The following POTEC variants were observed in gnomAD, a reference collection of about 807,000 sequenced individuals.
The protein encoded by POTEC is ANKRD26-like family B member 2.
POTEC carries 35 observed loss-of-function variants against 62.0 expected under a neutral mutation model. That is an observed-to-expected ratio of 0.56 (90% CI 0.43 to 0.75). The LOEUF (loss-of-function observed/expected upper bound fraction) is 0.75. Ranked by LOEUF, POTEC falls within the 30% of genes least tolerant of loss-of-function variation. POTEC has a pLI of 0.00. For missense variants in POTEC, 472 were observed against 655.9 expected (o/e 0.72, Z 3.06); for synonymous variants, 156 against 221.5 (o/e 0.70, Z 2.62).
chr18:14,537,218 A>AAAC (rs1567915558), intron 3 of POTEC, among the ~76,000 whole-genome samples: 2 of 107,256 alleles, frequency 1.9e-5, no homozygotes, highest in Non-Finnish European at 4.2e-5. Context: ...CACAAAAAAA[A>AAAC]AAAAAAACAA....
At chr18:14,535,349 T>C (rs1329802677) in intron 3 of POTEC, among the ~76,000 whole-genome samples, 2 of 150,920 alleles carry the variant, frequency 1.3e-5, no homozygotes, top group Non-Finnish European at 2.9e-5. Flanking sequence ...TTTATCTCTA[T>C]ATTATCCAAC....
In POTEC at chr18:14,543,188, T is replaced by C; in HGVS notation, c.-42A>G. Reference sequence around the variant, plus strand: ...GGGGAGGCCGGTAGTAGCGAACAGATCGCGTCTACCAACCAGTTTCACCAA... The same window carrying C: ...GGGGAGGCCGGTAGTAGCGAACAGACCGCGTCTACCAACCAGTTTCACCAA... On this transcript the variant is annotated 5_prime_UTR_variant, in exon 1 of 11. Coordinates refer to ENST00000358970, the MANE Select transcript of POTEC (RefSeq NM_001137671.2). 1 of 1,612,218 alleles carries C rather than the reference T, an allele frequency of 6.2e-7. No homozygotes were observed. The highest frequency in any genetic ancestry group is 8.5e-7 in the Non-Finnish European group (1 of 1,179,020).
chr18:14,512,821 T>C (rs1461833713), intron 10 of POTEC, among the ~76,000 whole-genome samples: 1 of 152,214 alleles, frequency 6.6e-6, no homozygotes, highest in Non-Finnish European at 1.5e-5. Context: ...TGCAGGATTT[T>C]TGCCAGGTCT....
intron 3 of POTEC, among the ~76,000 whole-genome samples, chr18:14,537,556 T>A (rs570095470): frequency 1.3e-5 from 2 of 152,266 alleles, no homozygotes; most frequent in South Asian, 4.2e-4. Context: ...AAGTATTACC[T>A]TTTACAAATT....
chr18:14,534,068 TC>T (rs1159717489), intron 4 of POTEC, among the ~76,000 whole-genome samples: 2 of 75,664 alleles, frequency 2.6e-5, no homozygotes, highest in African/African-American at 5.3e-5. Context: ...ATGCTATCCC[TC>T]CCCCCTCCCC....
intron 10 of POTEC, among the ~76,000 whole-genome samples, chr18:14,513,218 G>A (rs1022259561): frequency 2.5e-4 from 38 of 151,962 alleles, no homozygotes; most frequent in African/African-American, 9.2e-4. Context: ...TCCACAATGT[G>A]GCCTCTGACC....
intron 9 of POTEC, among the ~76,000 whole-genome samples, chr18:14,515,998 A>G (rs2143112802): frequency 1.3e-5 from 2 of 151,832 alleles, no homozygotes; most frequent in East Asian, 3.9e-4. Flanking sequence ...CAGAATGGTC[A>G]CTACTAAAAT....
At chr18:14,539,476 T>A (rs1481421142) in intron 1 of POTEC, among the ~76,000 whole-genome samples, 1 of 141,516 alleles carries the variant, frequency 7.1e-6, no homozygotes, top group Non-Finnish European at 1.5e-5. Flanking sequence ...TCCCTCTAGG[T>A]GTCTGTGTGT....
chr18:14,542,970 G>A lies in POTEC; in HGVS notation c.177C>T (p.Ser59=), dbSNP rs1444934454. 6.4e-7 allele frequency: 1 copy of A among 1,573,508 alleles called. No individual in the cohort carries two copies. The highest frequency in any genetic ancestry group is 1.4e-5 in the African/African-American group (1 of 73,362). The change falls in exon 1 of 11, where the codon AGC becomes AGT. Residue 59 remains serine, a synonymous_variant. Transcript: ENST00000358970. ...HDDSFMKMLR[S]KMGKCCHHCF... ...AGTGGTGGCAACACTTGCCCATCTT[G>A]CTCCTGAGCATCTTCATAAAGGAGT...
At chr18:14,533,497 T>A (rs1905599280) in intron 4 of POTEC, among the ~76,000 whole-genome samples, 1 of 152,124 alleles carries the variant, frequency 6.6e-6, no homozygotes. Context: ...TTATCTGAAG[T>A]GGACAAAGAT....
intron 6 of POTEC, chr18:14,527,872 G>C (rs924041519): frequency 6.6e-5 from 10 of 152,140 alleles, no homozygotes; most frequent in African/African-American, 1.7e-4. Context: ...AGAATACATT[G>C]ATACTAGTCC....
chr18:14,529,952 A>G (rs55941368), intron 6 of POTEC, among the ~76,000 whole-genome samples: 11,514 of 151,886 alleles, frequency 0.076, 492 homozygotes, highest in African/African-American at 0.093. Context: ...CAGGTCACAG[A>G]CTGGTACCAC....
Position 14,507,623 on chromosome 18 carries a change from C to T in POTEC, c.*4275G>A, listed in dbSNP as rs559428945. ...GTGTGGATTTGATCCTGTCATCATG[C>T]TGTCAGCTGGCTCTTTTGCAGACTT... On this transcript the variant is annotated 3_prime_UTR_variant, in exon 11 of 11. Coordinates refer to ENST00000358970, the MANE Select transcript of POTEC (RefSeq NM_001137671.2). 21 of 152,244 alleles carry T rather than the reference C, an allele frequency of 1.4e-4. No individual in the cohort carries two copies. In the South Asian group the frequency reaches 4.4e-3, roughly 32 times the overall value. 9.4% of individuals were successfully genotyped at this position (152,244 alleles called of 1,614,324 possible). A position where few individuals can be genotyped will look rare whatever the true frequency, so the allele number is the denominator to read the frequency against.
Position 14,507,754 on chromosome 18 carries a change from C to G in POTEC, c.*4144G>C, listed in dbSNP as rs914860345. ...CCATATTTAGTGCTTCCTTCAGGAG[C>G]TCTTGTAAGGTAGGTCTGGTGATAA... On this transcript the variant is annotated 3_prime_UTR_variant, in exon 11 of 11. Transcript: ENST00000358970. 6.6e-6 allele frequency: 1 copy of G among 152,178 alleles called. No individual in the cohort carries two copies. Among genetic ancestry groups the G allele is most frequent in the African/African-American group, 2.4e-5 (1 of 41,432 alleles). The allele number at this position is 152,178 out of a possible 1,614,324, so 9.4% of individuals were successfully genotyped here.
At chr18:14,527,246 TCTTA>T (rs1910459919) in intron 6 of POTEC, among the ~76,000 whole-genome samples, 1 of 152,170 alleles carries the variant, frequency 6.6e-6, no homozygotes, top group African/African-American at 2.4e-5. Flanking sequence ...ACACTCTTTC[TCTTA>T]CTTCTTTTTT....
In POTEC at chr18:14,523,445, T is replaced by G; in HGVS notation, c.1242+18A>C. 1 of 1,561,260 alleles carries G rather than the reference T, an allele frequency of 6.4e-7. No homozygotes were observed. Among genetic ancestry groups the G allele is most frequent in the South Asian group, 1.2e-5 (1 of 86,258 alleles). ...TAAAAATCTAATTCAACAGAAACAT[T>G]TGAACATAAAGGTATACCTCTCTAT... is the stretch of plus-strand genomic sequence containing the variant. On this transcript the variant is annotated intron_variant, in intron 8 of 10. Transcript: ENST00000358970.
chr18:14,534,411 T>C (rs569894846), intron 4 of POTEC, among the ~76,000 whole-genome samples: 3 of 152,238 alleles, frequency 2.0e-5, no homozygotes, highest in Non-Finnish European at 4.4e-5. Context: ...AATTGTCATG[T>C]GGCGATAAGC....
chr18:14,515,563 C>T (rs1334024063), intron 9 of POTEC, among the ~76,000 whole-genome samples: 1 of 151,878 alleles, frequency 6.6e-6, no homozygotes, highest in East Asian at 1.9e-4. Flanking sequence ...GATTAATGGC[C>T]TAAACCTAAG....
At chr18:14,532,930 G>T in intron 5 of POTEC, 131 bp downstream of exon 5, 4 of 1,574,742 alleles carry the variant, frequency 2.5e-6, no homozygotes, top group Non-Finnish European at 2.6e-6. Flanking sequence ...TGATGCAGGG[G>T]ACTAACTCAC....
Sources: allele counts gnomAD v4.1 joint callset (sites outside exome capture counted in the v4.1 genomes callset), GRCh38; gene constraint gnomAD v4.1.1; transcripts MANE v1.5; gene names NCBI Gene and HGNC (gene_info 2026-07-23, HGNC 2026-07-21).